KDM4A: variants seen among roughly 807,000 people sequenced by gnomAD.
The protein encoded by KDM4A is lysine demethylase 4A.
Under a neutral mutation model 127.1 loss-of-function variants are expected in KDM4A, and 23 were observed. That is an observed-to-expected ratio of 0.18 (90% CI 0.13 to 0.26). The LOEUF (loss-of-function observed/expected upper bound fraction) is 0.26, where lower values mean the gene tolerates loss of function less well. Ranked by LOEUF, KDM4A falls within the 10% of genes least tolerant of loss-of-function variation. The probability of loss-of-function intolerance (pLI) is 1.00; values close to 1 mark genes in which losing one functional copy is unlikely to be tolerated. For synonymous variants in KDM4A, 443 were observed against 466.5 expected (o/e 0.95, Z 0.65); for missense variants, 890 against 1,329.1 (o/e 0.67, Z 5.14).
At position 43,688,634 on chromosome 1, in the gene KDM4A, T is replaced by A. The variant is rs954429007; in HGVS notation, c.1856-280T>A. On this transcript the variant is annotated intron_variant, in intron 12 of 21. Coordinates refer to ENST00000372396, the MANE Select transcript of KDM4A (RefSeq NM_014663.3). The surrounding 1 kb of genome is among the most constrained non-coding windows in gnomAD (Gnocchi z 4.4). The stretch of plus-strand genomic sequence containing the variant: ...GAATGTGGCAGCTGTTAAGGGAGAG[T>A]AGAGCAAGCTGAGCTCGTGGGGCAG... Among the ~76,000 whole-genome samples, 2 of 151,732 alleles carry A rather than the reference T, an allele frequency of 1.3e-5. No individual in the cohort carries two copies. The highest frequency in any genetic ancestry group is 2.4e-5 in the African/African-American group (1 of 41,290).
chr1:43,681,166 C>T (rs1264702424), intron 11 of KDM4A, among the ~76,000 whole-genome samples: 4 of 152,158 alleles, frequency 2.6e-5, no homozygotes, highest in Admixed American at 6.5e-5. Flanking sequence ...CATAGCTCCC[C>T]GTTGCTGAGT....
intron 4 of KDM4A, among the ~76,000 whole-genome samples, chr1:43,660,997 G>T (rs374398828): frequency 2.0e-5 from 3 of 149,834 alleles, no homozygotes; most frequent in African/African-American, 7.4e-5. Context: ...TTTTTGAGAC[G>T]GAGTTTCGCT....
chr1:43,679,516 C>T (rs370934920), intron 11 of KDM4A, among the ~76,000 whole-genome samples: 4 of 152,182 alleles, frequency 2.6e-5, no homozygotes, highest in East Asian at 1.9e-4. Context: ...CTTATGTTCC[C>T]CCACCCCCAC....
At position 43,671,498 on chromosome 1, in the gene KDM4A, G is replaced by A. The variant is rs1218528004; in HGVS notation, c.1364-7G>A. 1 of 1,544,410 alleles carries A rather than the reference G, an allele frequency of 6.5e-7. No individual in the cohort carries two copies. Among genetic ancestry groups the A allele is most frequent in the Non-Finnish European group, 8.7e-7 (1 of 1,147,042 alleles). On this transcript the variant is annotated splice_polypyrimidine_tract_variant and splice_region_variant and intron_variant, in intron 10 of 21. Coordinates refer to ENST00000372396, the MANE Select transcript of KDM4A (RefSeq NM_014663.3). ...TTGGCTCTGTCTAATGTGTATGTGTGTTTCAGATTATTCTGACTCCACTGA... is the reference window on the plus strand; with the variant it reads ...TTGGCTCTGTCTAATGTGTATGTGTATTTCAGATTATTCTGACTCCACTGA...
Position 43,690,974 on chromosome 1 carries a change from T to G in KDM4A, c.2167T>G (p.Ser723Ala). ...STGCSTDINL[S>A]TPYLEEDGTS... The stretch of plus-strand genomic sequence containing the variant: ...TGGCTGCAGCACGGACATCAACCTT[T>G]CTACTCCTTATCTTGAGGAGGATGG... Residue 723 changes from serine (S) to alanine (A), a missense_variant, in exon 14 of 22, where the codon TCT (serine) becomes GCT (alanine). Physicochemically the swap from Ser to Ala is moderately conservative, Grantham distance 99 (BLOSUM62 1). Coordinates refer to ENST00000372396, the MANE Select transcript of KDM4A (RefSeq NM_014663.3). 6.2e-7 allele frequency: 1 copy of G among 1,614,240 alleles called. No homozygotes were observed. Among genetic ancestry groups the G allele is most frequent in the Non-Finnish European group, 8.5e-7 (1 of 1,180,040 alleles).
chr1:43,663,313 G>A (rs998295628), intron 5 of KDM4A, among the ~76,000 whole-genome samples: 1 of 152,144 alleles, frequency 6.6e-6, no homozygotes, highest in Non-Finnish European at 1.5e-5. Context: ...GCAGGGTGCT[G>A]GCAGTTACCC....
rs754818542 is a variant in KDM4A at position 43,703,658 on chromosome 1, A to G, written c.2883A>G (p.Glu961=). Residue 961 remains glutamate, a synonymous_variant, in exon 20 of 22, where the codon GAA becomes GAG. Transcript: ENST00000372396. ...AGTTTGGTCCTCCTGCTGAAGGGGA[A>G]GTGGTCCAAGTGAGATGGACAGACG... ...CLQFGPPAEG[E]VVQVRWTDGQ... The G allele has an allele frequency of 6.2e-7, 1 of 1,614,092 alleles. No individual in the cohort carries two copies. Among genetic ancestry groups the G allele is most frequent in the Non-Finnish European group, 8.5e-7 (1 of 1,179,970 alleles).
chr1:43,666,828 A>T, intron 7 of KDM4A, 126 bp from the exon 8 acceptor site: 1 of 911,262 alleles, frequency 1.1e-6, no homozygotes, highest in East Asian at 2.4e-5. Context: ...TATAGAAGAC[A>T]GCAAGGACCC....
intron 6 of KDM4A, 77 bp downstream of exon 6, chr1:43,665,822 C>G: frequency 6.9e-7 from 1 of 1,458,010 alleles, no homozygotes; most frequent in Non-Finnish European, 9.6e-7. Context: ...AATGTGCGTT[C>G]CCCATGGTCA....
chr1:43,664,184 G>C (rs1178266191), intron 5 of KDM4A, among the ~76,000 whole-genome samples: 1 of 152,208 alleles, frequency 6.6e-6, no homozygotes, highest in East Asian at 1.9e-4. Flanking sequence ...GACATAACCG[G>C]GTGGAGTGGT....
At chr1:43,684,821 G>A (rs1294157809) in intron 12 of KDM4A, among the ~76,000 whole-genome samples, 1 of 152,244 alleles carries the variant, frequency 6.6e-6, no homozygotes, top group African/African-American at 2.4e-5. Flanking sequence ...GGCTTTGAGA[G>A]GACCACATAG....
At chr1:43,696,587 C>T (rs138479841) in intron 18 of KDM4A, among the ~76,000 whole-genome samples, 1 of 152,300 alleles carries the variant, frequency 6.6e-6, no homozygotes, top group East Asian at 1.9e-4. Context: ...CGGAGTGTCT[C>T]AAGGGCCCTG....
chr1:43,701,310 G>A (rs945626239), intron 19 of KDM4A, among the ~76,000 whole-genome samples: 8 of 152,122 alleles, frequency 5.3e-5, no homozygotes, highest in African/African-American at 1.4e-4. Flanking sequence ...TGTGAATGCC[G>A]CTTCTCTGAA....
intron 13 of KDM4A, 42 bp from the exon 14 acceptor site, chr1:43,690,803 G>A (rs1438707234): frequency 6.4e-7 from 1 of 1,567,174 alleles, no homozygotes; most frequent in Non-Finnish European, 8.8e-7. Context: ...TAAGAGCATA[G>A]GCACGTGCTC....
chr1:43,653,367 AT>A (rs3215842), intron 2 of KDM4A, 54 bp downstream of exon 2: 1 of 1,491,772 alleles, frequency 6.7e-7, no homozygotes, highest in Non-Finnish European at 9.0e-7. Context: ...GAGCAGTAAG[AT>A]TTTTTTCCTA....
chr1:43,668,124 TTTTG>T, intron 9 of KDM4A, 105 bp downstream of exon 9: 3 of 1,387,236 alleles, frequency 2.2e-6, no homozygotes, highest in East Asian at 4.6e-5. Flanking sequence ...TTTGTTTTGT[TTTTG>T]TTTTTGTTTT....
chr1:43,691,443 C>T, intron 14 of KDM4A, 53 bp from the exon 15 acceptor site: 1 of 1,431,510 alleles, frequency 7.0e-7, no homozygotes. Context: ...TGCAAATCTA[C>T]CTTTTGACTC....
At chr1:43,657,750 C>CTTTTTTTTTTTTT (rs140666245) in intron 3 of KDM4A, among the ~76,000 whole-genome samples, 2 of 116,460 alleles carry the variant, frequency 1.7e-5, no homozygotes, top group African/African-American at 7.5e-5. Context: ...TTTTTCTTTT[C>CTTTTTTTTTTTTT]TTTTTTTTTT....
chr1:43,659,479 C>T (rs1660321987), intron 3 of KDM4A, among the ~76,000 whole-genome samples: 2 of 152,026 alleles, frequency 1.3e-5, no homozygotes, highest in African/African-American at 4.8e-5. Context: ...CCACCACGCC[C>T]CTCTAATTTT....
Sources: gnomAD v4.1 joint callset for allele counts (sites outside exome capture counted in the v4.1 genomes callset) on GRCh38, gnomAD v4.1.1 for gene constraint, Gnocchi (gnomAD v3.1) non-coding constraint, MANE v1.5 for transcripts, NCBI Gene and HGNC (gene_info 2026-07-23, HGNC 2026-07-21) for gene names.